The following ADAMTS19 variants were observed in gnomAD, a reference collection of about 807,000 sequenced individuals.
The protein encoded by ADAMTS19 is A disintegrin and metalloproteinase with thrombospondin motifs 19.
In ADAMTS19, 93 loss-of-function variants were observed where a neutral mutation model predicts 153.3. That is an observed-to-expected ratio of 0.61 (90% confidence interval 0.51 to 0.72). The LOEUF (loss-of-function observed/expected upper bound fraction) is 0.72. Among genes scored for constraint, ADAMTS19 ranks in the 30% least tolerant of loss-of-function variants. The pLI is 0.00. For missense variants in ADAMTS19, 1,482 were observed against 1,552.1 expected, an observed-to-expected ratio of 0.95 and a Z score of 0.76; for synonymous variants, 600 against 556.6, an observed-to-expected ratio of 1.08 and a Z score of -1.10.
At chr5:129,684,754 G>A (rs1455904049) in intron 18 of ADAMTS19, among the ~76,000 whole-genome samples, 1 of 151,860 alleles carries the variant, frequency 6.6e-6, no homozygotes, top group Non-Finnish European at 1.5e-5. Flanking sequence ...CTGGGAGGCC[G>A]AGGCGGGCAG....
At chr5:129,543,839 T>A (rs545570788) in intron 6 of ADAMTS19, among the ~76,000 whole-genome samples, 3 of 152,322 alleles carry the variant, frequency 2.0e-5, no homozygotes, top group African/African-American at 7.2e-5. Context: ...GCAATTCATG[T>A]GATAACCTAT....
intron 16 of ADAMTS19, among the ~76,000 whole-genome samples, chr5:129,668,546 T>C (rs1198415252): frequency 2.0e-5 from 3 of 152,142 alleles, no homozygotes; most frequent in Admixed American, 6.5e-5. Context: ...ATAAGGACAC[T>C]AATCCCAATT....
At chr5:129,643,311 G>A (rs560226156) in intron 11 of ADAMTS19, among the ~76,000 whole-genome samples, 15 of 140,558 alleles carry the variant, frequency 1.1e-4, no homozygotes, top group Admixed American at 3.0e-4. Context: ...GCAGTGAGCC[G>A]AGACTGCACC....
At chr5:129,649,085 A>T in intron 13 of ADAMTS19, 115 bp downstream of exon 13, 1 of 1,067,668 alleles carries the variant, frequency 9.4e-7, no homozygotes, top group East Asian at 2.4e-5. Flanking sequence ...CTGAACTTTA[A>T]TTTTTTCTAC....
At chr5:129,534,788 T>C (rs1304418051) in intron 6 of ADAMTS19, among the ~76,000 whole-genome samples, 1 of 152,212 alleles carries the variant, frequency 6.6e-6, no homozygotes, top group Non-Finnish European at 1.5e-5. Flanking sequence ...TCAATAAACG[T>C]AATCCAGCAT....
intron 6 of ADAMTS19, among the ~76,000 whole-genome samples, chr5:129,550,564 A>G (rs909866778): frequency 1.3e-5 from 2 of 149,560 alleles, no homozygotes; most frequent in African/African-American, 2.4e-5. Flanking sequence ...ATCTATATAT[A>G]CATATGTATA....
intron 2 of ADAMTS19, among the ~76,000 whole-genome samples, chr5:129,504,104 G>T (rs1466997524): frequency 2.0e-5 from 3 of 152,056 alleles, no homozygotes; most frequent in Non-Finnish European, 4.4e-5. Flanking sequence ...AATTATATGA[G>T]TTTATTTTAT....
At chr5:129,495,326 A>G (rs543106425) in intron 2 of ADAMTS19, among the ~76,000 whole-genome samples, 8 of 152,156 alleles carry the variant, frequency 5.3e-5, no homozygotes, top group Non-Finnish European at 1.2e-4. Flanking sequence ...GCCCTAATTT[A>G]GAATCAAAGG....
Position 129,722,816 on chromosome 5 carries a change from A to T in ADAMTS19, c.3313-12116A>T, listed in dbSNP as rs1184994190. On this transcript the variant is annotated intron_variant, in intron 21 of 22. Coordinates refer to ENST00000274487, the MANE Select transcript of ADAMTS19 (RefSeq NM_133638.6). ...CTTTTCTCGTGTTATTTAACTTGTC[A>T]GCAGTGTCTCCTGTCTCATTCATCT... Among the ~76,000 whole-genome samples, 4 of 152,322 alleles carry T rather than the reference A, an allele frequency of 2.6e-5. No homozygotes were observed. The East Asian group carries it at 7.7e-4, about 29-fold the overall frequency.
At chr5:129,685,372 AG>A (rs1755035625) in intron 18 of ADAMTS19, among the ~76,000 whole-genome samples, 1 of 152,080 alleles carries the variant, frequency 6.6e-6, no homozygotes, top group African/African-American at 2.4e-5. Flanking sequence ...ACAACATAGC[AG>A]GAAAAAAAAA....
chr5:129,607,270 T>G (rs949580092), intron 8 of ADAMTS19, among the ~76,000 whole-genome samples: 3 of 152,222 alleles, frequency 2.0e-5, no homozygotes, highest in African/African-American at 7.2e-5. Context: ...ATTTGTCACT[T>G]AGAATTATTT....
At chr5:129,546,818 C>G (rs1752876921) in intron 6 of ADAMTS19, among the ~76,000 whole-genome samples, 2 of 151,070 alleles carry the variant, frequency 1.3e-5, no homozygotes, top group African/African-American at 4.9e-5. Context: ...AATAAATAGG[C>G]AAATTGCTAC....
chr5:129,526,602 T>C, intron 4 of ADAMTS19, 146 bp downstream of exon 4: 2 of 728,206 alleles, frequency 2.7e-6, no homozygotes, highest in Non-Finnish European at 4.1e-6. Flanking sequence ...CTTAGGTATA[T>C]AAAATTGATC....
At chr5:129,572,816 T>A (rs1753960908) in intron 7 of ADAMTS19, among the ~76,000 whole-genome samples, 1 of 151,970 alleles carries the variant, frequency 6.6e-6, no homozygotes, top group Non-Finnish European at 1.5e-5. Context: ...GTGATGGAAA[T>A]GTTCTGTCCC....
chr5:129,656,413 C>A lies in ADAMTS19; in HGVS notation c.2304+1980C>A, dbSNP rs529650382. ...TATCACTAAATATATAGCACCAAAG[C>A]TGAATGTAGCATTCCAGACTTAGTG... is the stretch of plus-strand genomic sequence containing the variant. On this transcript the variant is annotated intron_variant, in intron 14 of 22. Coordinates refer to ENST00000274487, the MANE Select transcript of ADAMTS19 (RefSeq NM_133638.6). Among the ~76,000 whole-genome samples, 24 of 152,306 alleles carry A rather than the reference C, an allele frequency of 1.6e-4. No individual in the cohort carries two copies. In the South Asian group the frequency reaches 4.8e-3, roughly 30 times the overall value.
At chr5:129,563,269 C>T (rs1364988442) in intron 7 of ADAMTS19, among the ~76,000 whole-genome samples, 1 of 151,810 alleles carries the variant, frequency 6.6e-6, no homozygotes, top group Non-Finnish European at 1.5e-5. Flanking sequence ...ACTTAAAATA[C>T]TTAAAGCAAT....
At chr5:129,554,328 A>G (rs889620559) in intron 7 of ADAMTS19, among the ~76,000 whole-genome samples, 2 of 152,130 alleles carry the variant, frequency 1.3e-5, no homozygotes, top group Non-Finnish European at 2.9e-5. Context: ...GGGTAACCCT[A>G]TGGGGTTGGG....
intron 7 of ADAMTS19, among the ~76,000 whole-genome samples, chr5:129,584,002 T>C (rs1749658493): frequency 6.6e-6 from 1 of 152,138 alleles, no homozygotes; most frequent in African/African-American, 2.4e-5. Flanking sequence ...TTCTGGTTTT[T>C]GGAATTTTCA....
chr5:129,554,982 G>A (rs1049351476), intron 7 of ADAMTS19, among the ~76,000 whole-genome samples: 9 of 151,978 alleles, frequency 5.9e-5, no homozygotes, highest in African/African-American at 1.7e-4. Flanking sequence ...ATGTTTATTC[G>A]TACACATTTT....
Sources: allele counts gnomAD v4.1 joint callset (sites outside exome capture counted in the v4.1 genomes callset), GRCh38; gene constraint gnomAD v4.1.1; transcripts MANE v1.5; gene names NCBI Gene and HGNC (gene_info 2026-07-23, HGNC 2026-07-21).